CDYL: variants seen among roughly 807,000 people sequenced by gnomAD.
CDYL encodes chromodomain Y like.
Under a neutral mutation model 47.3 loss-of-function variants are expected in CDYL, and 8 were observed. The observed-to-expected ratio is 0.17, with a 90% CI of 0.10 to 0.31. The LOEUF (loss-of-function observed/expected upper bound fraction) is 0.31. CDYL is among the 10% of genes least tolerant of loss of function. The pLI, the probability that CDYL is intolerant of heterozygous loss-of-function variation, is 1.00. For synonymous variants in CDYL, 266 were observed against 265.0 expected (o/e 1.00, Z -0.04); for missense variants, 471 against 701.4 (o/e 0.67, Z 3.71).
At chr6:4,728,820 G>T (rs542201101) in intron 2 of CDYL, among the ~76,000 whole-genome samples, 55 of 152,252 alleles carry the variant, frequency 3.6e-4, no homozygotes, top group African/African-American at 1.3e-3. Flanking sequence ...TGCCCACTCC[G>T]GTTCTCAAGG....
At chr6:4,947,634 A>G (rs1758564268) in intron 5 of CDYL, among the ~76,000 whole-genome samples, 1 of 148,010 alleles carries the variant, frequency 6.8e-6, no homozygotes, top group East Asian at 1.9e-4. Context: ...GGAGCCGTGC[A>G]GTTTCTAAAC....
intron 2 of CDYL, among the ~76,000 whole-genome samples, chr6:4,907,452 C>T (rs1473786195): frequency 6.6e-6 from 1 of 152,150 alleles, no homozygotes; most frequent in Non-Finnish European, 1.5e-5. Flanking sequence ...TCTCCCCCTC[C>T]CAGGCTCAGG....
At chr6:4,857,474 ACT>A (rs1468116730) in intron 1 of CDYL, among the ~76,000 whole-genome samples, 1 of 152,030 alleles carries the variant, frequency 6.6e-6, no homozygotes, top group African/African-American at 2.4e-5. Flanking sequence ...AGTCTAAGAG[ACT>A]CTTACTAGAC....
At chr6:4,934,226 C>G (rs1758118140) in intron 2 of CDYL, among the ~76,000 whole-genome samples, 1 of 151,968 alleles carries the variant, frequency 6.6e-6, no homozygotes, top group Admixed American at 6.5e-5. Flanking sequence ...GCAGGGGGAT[C>G]CTGTGTAAAC....
At position 4,953,840 on chromosome 6, in the gene CDYL, G is replaced by A. The variant is rs1581299586; in HGVS notation, c.1477-58G>A. On this transcript the variant is annotated intron_variant, in intron 6 of 6. Transcript: ENST00000397588. ...TTGCCTCCGTAAATGTGGAGGCACA[G>A]GGGACCCGTGTCTGCCCGCATGCAC... 2.4e-5 allele frequency: 37 copies of A among 1,532,728 alleles called. No homozygotes were observed. The East Asian group carries it at 8.2e-4, about 34-fold the overall frequency. The allele number at this position is 1,532,728 out of a possible 1,614,324, so 94.9% of individuals were successfully genotyped here. A position where few individuals can be genotyped will look rare whatever the true frequency, so the allele number is the denominator to read the frequency against.
At chr6:4,846,032 T>C (rs1581207973) in intron 1 of CDYL, among the ~76,000 whole-genome samples, 1 of 152,144 alleles carries the variant, frequency 6.6e-6, no homozygotes, top group African/African-American at 2.4e-5. Flanking sequence ...CAGGAGAACA[T>C]TTAGGGGAAA....
intron 2 of CDYL, among the ~76,000 whole-genome samples, chr6:4,723,451 G>A (rs1757411886): frequency 6.6e-6 from 1 of 152,078 alleles, no homozygotes; most frequent in African/African-American, 2.4e-5. Context: ...TCACAAAGAG[G>A]CTATTTACAG....
chr6:4,770,977 A>G (rs1245373109), intron 3 of CDYL, among the ~76,000 whole-genome samples: 3 of 152,234 alleles, frequency 2.0e-5, no homozygotes, highest in Non-Finnish European at 4.4e-5. Context: ...ATAAGCATAT[A>G]TATACATGCC....
At chr6:4,757,995 G>T (rs11962372) in intron 3 of CDYL, among the ~76,000 whole-genome samples, 23,007 of 151,914 alleles carry the variant, frequency 0.15, 2,422 homozygotes, top group African/African-American at 0.29. Flanking sequence ...TTCCTAATTT[G>T]TTAATTTCAT....
rs187809159 is a variant in CDYL at position 4,824,620 on chromosome 6, C to A, written c.24+47813C>A. On this transcript the variant is annotated intron_variant, in intron 1 of 6. Coordinates refer to ENST00000397588, the MANE Select transcript of CDYL (RefSeq NM_004824.4). ...TTCTTTATATATTCTGGTTATTAAG[C>A]CCTTACCTTACCAGATATGATTTGC... 4.9e-3 allele frequency among the ~76,000 whole-genome samples: 744 copies of A among 152,172 alleles called. 7 individuals carry two copies. The highest frequency in any genetic ancestry group is 0.017 in the African/African-American group (709 of 41,498).
At chr6:4,930,437 C>T (rs1037629562) in intron 2 of CDYL, among the ~76,000 whole-genome samples, 10 of 152,302 alleles carry the variant, frequency 6.6e-5, no homozygotes, top group African/African-American at 2.4e-4. Flanking sequence ...TCTGGGTTTC[C>T]CATCCCTGCA....
At chr6:4,908,346 T>G (rs1379726873) in intron 2 of CDYL, among the ~76,000 whole-genome samples, 1 of 151,774 alleles carries the variant, frequency 6.6e-6, no homozygotes, top group Non-Finnish European at 1.5e-5. Flanking sequence ...GCACAGGATT[T>G]AGGCATTGGT....
chr6:4,948,472 G>T (rs992977567), intron 5 of CDYL, among the ~76,000 whole-genome samples: 1 of 152,032 alleles, frequency 6.6e-6, no homozygotes. Context: ...TTTACTTTAC[G>T]CTTCCCCTGG....
At chr6:4,907,395 C>T (rs1258735761) in intron 2 of CDYL, among the ~76,000 whole-genome samples, 1 of 152,184 alleles carries the variant, frequency 6.6e-6, no homozygotes, top group Non-Finnish European at 1.5e-5. Flanking sequence ...GGCTCCGTCT[C>T]ATCCAGGCTG....
At chr6:4,950,100 A>G (rs922328953) in intron 5 of CDYL, among the ~76,000 whole-genome samples, 1 of 152,140 alleles carries the variant, frequency 6.6e-6, no homozygotes, top group Non-Finnish European at 1.5e-5. Flanking sequence ...CAGGCCCAAG[A>G]GAGTCAACAA....
chr6:4,889,959 G>A (rs1761996789), intron 1 of CDYL: 6 of 985,414 alleles, frequency 6.1e-6, no homozygotes, highest in Non-Finnish European at 7.2e-6. Flanking sequence ...CAGGTCCCCA[G>A]GGATGCTGGC....
intron 2 of CDYL, among the ~76,000 whole-genome samples, chr6:4,734,413 C>A (rs905086383): frequency 3.3e-5 from 5 of 152,206 alleles, no homozygotes; most frequent in Admixed American, 2.6e-4. Flanking sequence ...CACCAGACAG[C>A]CAGCCACCTT....
intron 1 of CDYL, among the ~76,000 whole-genome samples, chr6:4,790,777 A>G (rs187693761): frequency 3.9e-5 from 6 of 152,380 alleles, no homozygotes; most frequent in Admixed American, 2.6e-4. Flanking sequence ...AGGTTAAGCA[A>G]ATTTGCAGGA....
intron 1 of CDYL, among the ~76,000 whole-genome samples, chr6:4,822,933 T>A (rs779891967): frequency 1.5e-4 from 23 of 152,196 alleles, no homozygotes; most frequent in East Asian, 1.9e-4. Flanking sequence ...GTGCTTTAAA[T>A]GAACAAATAA....
Sources: allele counts gnomAD v4.1 joint callset (sites outside exome capture counted in the v4.1 genomes callset), GRCh38; gene constraint gnomAD v4.1.1; transcripts MANE v1.5; gene names NCBI Gene and HGNC (gene_info 2026-07-23, HGNC 2026-07-21).